Variants in CCDC60 observed in about 807,000 individuals in gnomAD.
CCDC60 encodes coiled-coil domain-containing protein 60.
A neutral mutation model predicts 63.5 loss-of-function variants in CCDC60; 54 were observed. The observed-to-expected ratio is 0.85, with a 90% confidence interval of 0.68 to 1.07. CCDC60 has a LOEUF of 1.07. CCDC60 is among the 50% of genes least tolerant of loss of function. CCDC60 has a pLI of 0.00. For synonymous variants in CCDC60, 206 were observed against 238.8 expected (o/e 0.86, Z 1.27); for missense variants, 651 against 684.3 (o/e 0.95, Z 0.54).
intron 5 of CCDC60, among the ~76,000 whole-genome samples, chr12:119,498,386 G>A (rs756941589): frequency 6.6e-6 from 1 of 152,020 alleles, no homozygotes; most frequent in Non-Finnish European, 1.5e-5. Context: ...AGGCTGGAGT[G>A]CAATGGTGCG....
At chr12:119,449,353 G>A (rs1310517110) in intron 2 of CCDC60, among the ~76,000 whole-genome samples, 1 of 152,152 alleles carries the variant, frequency 6.6e-6, no homozygotes, top group Non-Finnish European at 1.5e-5. Flanking sequence ...TGTTTCATTT[G>A]ATCACTTCTT....
intron 4 of CCDC60, among the ~76,000 whole-genome samples, chr12:119,480,887 CCACCATCATCACCACCATCCTCACCAT>C (rs1951298622): frequency 1.4e-5 from 2 of 144,646 alleles, no homozygotes; most frequent in Admixed American, 1.4e-4. Flanking sequence ...ATCATCATCA[CCACCATCATCACCACCATCCTCACCAT>C]CACCATCATC....
At chr12:119,403,194 G>A (rs1956424854) in intron 1 of CCDC60, among the ~76,000 whole-genome samples, 1 of 152,146 alleles carries the variant, frequency 6.6e-6, no homozygotes, top group African/African-American at 2.4e-5. Flanking sequence ...CAAATGTCCT[G>A]AGACTAAATA....
At position 119,387,392 on chromosome 12, in the gene CCDC60, T is replaced by C. The variant is rs528456211; in HGVS notation, c.91-41291T>C. Among the ~76,000 whole-genome samples, 20 of 152,340 alleles carry C rather than the reference T, an allele frequency of 1.3e-4. No homozygotes were observed. The East Asian group carries it at 3.3e-3, about 25-fold the overall frequency. On this transcript the variant is annotated intron_variant, in intron 1 of 13. Transcript: ENST00000327554. The stretch of plus-strand genomic sequence containing the variant: ...TAGTATTTGCTAGATTTTTCTACAA[T>C]GAGCATGTGGGCTATTTTCCAAACA...
chr12:119,376,707 C>G (rs1423138212), intron 1 of CCDC60, among the ~76,000 whole-genome samples: 1 of 152,150 alleles, frequency 6.6e-6, no homozygotes, highest in East Asian at 1.9e-4. Flanking sequence ...CTGGCTTCGT[C>G]TGGTTCATTC....
At chr12:119,356,793 A>G (rs930016402) in intron 1 of CCDC60, among the ~76,000 whole-genome samples, 3 of 152,196 alleles carry the variant, frequency 2.0e-5, no homozygotes, top group East Asian at 3.8e-4. Flanking sequence ...TTGCATCAGG[A>G]CCAATTTTGC....
intron 1 of CCDC60, among the ~76,000 whole-genome samples, chr12:119,413,030 C>T (rs1445930991): frequency 6.6e-6 from 1 of 152,096 alleles, no homozygotes; most frequent in Non-Finnish European, 1.5e-5. Context: ...TGTCACATCC[C>T]GGGGCTCCTG....
chr12:119,397,291 T>C (rs141589550), intron 1 of CCDC60, among the ~76,000 whole-genome samples: 168 of 152,310 alleles, frequency 1.1e-3, no homozygotes, highest in Middle Eastern at 3.4e-3. Flanking sequence ...CTCTACTGGC[T>C]CCAGCAGCCT....
At chr12:119,438,005 T>C (rs933622187) in intron 2 of CCDC60, among the ~76,000 whole-genome samples, 1 of 152,200 alleles carries the variant, frequency 6.6e-6, no homozygotes, top group Non-Finnish European at 1.5e-5. Flanking sequence ...CCAGAACTGG[T>C]AAACACAACT....
chr12:119,389,062 TGC>T (rs1956108889), intron 1 of CCDC60, among the ~76,000 whole-genome samples: 1 of 152,252 alleles, frequency 6.6e-6, no homozygotes, highest in Non-Finnish European at 1.5e-5. Flanking sequence ...CCCATGCTCA[TGC>T]ACATTCATGG....
chr12:119,535,545 G>A (rs1050951431), intron 13 of CCDC60, among the ~76,000 whole-genome samples: 1 of 152,194 alleles, frequency 6.6e-6, no homozygotes, highest in Non-Finnish European at 1.5e-5. Context: ...TCTCTTGTGG[G>A]CATTTAGTGC....
At chr12:119,387,391 A>G (rs1168921753) in intron 1 of CCDC60, among the ~76,000 whole-genome samples, 1 of 152,210 alleles carries the variant, frequency 6.6e-6, no homozygotes, top group Non-Finnish European at 1.5e-5. Flanking sequence ...TTTTTCTACA[A>G]TGAGCATGTG....
At chr12:119,430,417 A>G (rs1242815723) in intron 2 of CCDC60, among the ~76,000 whole-genome samples, 2 of 152,276 alleles carry the variant, frequency 1.3e-5, no homozygotes, top group Non-Finnish European at 2.9e-5. Flanking sequence ...CTGTAATCCC[A>G]GCACTTTGGG....
intron 1 of CCDC60, among the ~76,000 whole-genome samples, chr12:119,395,358 G>GA (rs1340535586): frequency 3.3e-5 from 5 of 152,214 alleles, no homozygotes; most frequent in African/African-American, 1.2e-4. Context: ...GGCTGTACAG[G>GA]AAGCATGATG....
intron 1 of CCDC60, among the ~76,000 whole-genome samples, chr12:119,344,886 C>G (rs542050686): frequency 8.3e-4 from 126 of 151,684 alleles, no homozygotes; most frequent in African/African-American, 2.9e-3. Flanking sequence ...CACACACACA[C>G]ACACACACAC....
At chr12:119,363,699 C>G (rs1955814030) in intron 1 of CCDC60, among the ~76,000 whole-genome samples, 1 of 152,162 alleles carries the variant, frequency 6.6e-6, no homozygotes. Flanking sequence ...GGATTGACTT[C>G]CTGCAGCCTG....
At chr12:119,370,525 G>C (rs1281395396) in intron 1 of CCDC60, among the ~76,000 whole-genome samples, 1 of 152,166 alleles carries the variant, frequency 6.6e-6, no homozygotes, top group Non-Finnish European at 1.5e-5. Context: ...TTTCAACACA[G>C]CTCTTTAAAA....
intron 9 of CCDC60, among the ~76,000 whole-genome samples, chr12:119,521,579 C>G (rs1952531439): frequency 6.6e-6 from 1 of 152,106 alleles, no homozygotes; most frequent in African/African-American, 2.4e-5. Flanking sequence ...GGTCCTGCGG[C>G]AGGAGGAAGC....
intron 1 of CCDC60, among the ~76,000 whole-genome samples, chr12:119,356,872 T>C (rs2136159847): frequency 6.6e-6 from 1 of 152,350 alleles, no homozygotes. Flanking sequence ...AATTATTTTA[T>C]TCTCACCCAA....
Sources: gnomAD v4.1 joint callset for allele counts (sites outside exome capture counted in the v4.1 genomes callset) on GRCh38, gnomAD v4.1.1 for gene constraint, MANE v1.5 for transcripts, NCBI Gene and HGNC (gene_info 2026-07-23, HGNC 2026-07-21) for gene names.